IGLON5: variants seen among roughly 807,000 people sequenced by gnomAD.
IGLON5 encodes the protein Ig-like domain-containing protein ENSP00000270642.
IGLON5 carries 16 observed loss-of-function variants against 38.2 expected under a neutral mutation model. The ratio of observed to expected loss-of-function variants is 0.42; its 90% CI spans 0.28 to 0.64. The LOEUF is 0.64. Among genes scored for constraint, IGLON5 ranks in the 30% least tolerant of loss-of-function variants. The pLI, the probability that IGLON5 is intolerant of heterozygous loss-of-function variation, is 0.23. For synonymous variants in IGLON5, 207 were observed against 216.4 expected (o/e 0.96, Z 0.38); for missense variants, 366 against 483.4 (o/e 0.76, Z 2.28).
rs1278906668 is a variant in IGLON5 at position 51,326,815 on chromosome 19, G to T, written c.563G>T (p.Gly188Val). ...EILEISDIQR[G>V]QAGEYECVTH... The stretch of plus-strand genomic sequence containing the variant: ...CTGGAGATCTCTGACATCCAGCGGG[G>T]CCAGGCCGGGGAGTATGAGTGCGTG... Residue 188 changes from glycine to valine, a missense_variant, in exon 5 of 8, where the codon GGC becomes GTC. Transcript: ENST00000270642. 1.9e-6 allele frequency: 3 copies of T among 1,551,434 alleles called. No individual in the cohort carries two copies. Among genetic ancestry groups the T allele is most frequent in the Non-Finnish European group, 2.6e-6 (3 of 1,147,416 alleles).
intron 1 of IGLON5, among the ~76,000 whole-genome samples, chr19:51,316,361 A>AG (rs1451264245): frequency 4.7e-5 from 7 of 148,072 alleles, no homozygotes; most frequent in African/African-American, 1.5e-4. Context: ...AAAAAAAAAG[A>AG]AAAGAAACAA....
chr19:51,316,380 A>G (rs1057390936), intron 1 of IGLON5, among the ~76,000 whole-genome samples: 2 of 151,246 alleles, frequency 1.3e-5, no homozygotes, highest in Admixed American at 1.3e-4. Flanking sequence ...AAAGGGAAAG[A>G]AAAGGTGTGT....
In IGLON5 at chr19:51,327,033, C is replaced by G. The variant is rs770614790; in HGVS notation, c.647-47C>G. 1.9e-6 allele frequency: 3 copies of G among 1,598,472 alleles called. No homozygotes were observed. In the African/African-American group the frequency reaches 4.0e-5, roughly 21 times the overall value. On this transcript the variant is annotated intron_variant, in intron 5 of 7. Transcript: ENST00000270642. The surrounding 1 kb of genome is among the most constrained non-coding windows in gnomAD (Gnocchi z 7.1). ...GCGGGGGCTGGGGGCGGGACCCCTT[C>G]GTCCCCACGCGGCTAGGAGAATTCG... is the stretch of plus-strand genomic sequence containing the variant.
intron 4 of IGLON5, among the ~76,000 whole-genome samples, chr19:51,326,460 C>G (rs1985217066): frequency 6.6e-6 from 1 of 152,192 alleles, no homozygotes; most frequent in Admixed American, 6.5e-5. Flanking sequence ...CATTGGGGTC[C>G]TCCCCACGGA....
intron 2 of IGLON5, 144 bp from the exon 3 acceptor site, chr19:51,323,518 A>G: frequency 1.5e-6 from 1 of 662,734 alleles, no homozygotes; most frequent in Non-Finnish European, 2.6e-6. Context: ...CCCCAGCTGT[A>G]TGGTGGGCAC....
In IGLON5 at chr19:51,327,825, C is replaced by CA; in HGVS notation, c.863dup (p.Asn288LysfsTer113). The stretch of plus-strand genomic sequence containing the variant: ...CCAACGTGAGCGCCCGGCATTACGG[C>CA]AACTATACGTGTCGCGCCGCCAACC... On this transcript the variant is annotated frameshift_variant, in exon 7 of 8. Transcript: ENST00000270642. LOFTEE classifies it high-confidence loss of function. The surrounding 1 kb of genome is among the most constrained non-coding windows in gnomAD (Gnocchi z 7.1). 1 of 1,548,860 alleles carries CA rather than the reference C, an allele frequency of 6.5e-7. No individual in the cohort carries two copies. Among genetic ancestry groups the CA allele is most frequent in the South Asian group, 1.2e-5 (1 of 84,080 alleles).
rs1465607222 is a variant in IGLON5 at position 51,324,327 on chromosome 19, T to C, written c.391+433T>C. On this transcript the variant is annotated intron_variant, in intron 3 of 7. Coordinates refer to ENST00000270642, the MANE Select transcript of IGLON5 (RefSeq NM_001101372.3). This position sits in a 1 kb window ranked among gnomAD's most constrained non-coding sequence, Gnocchi z 4.2. ...AGGGCTAAGACCGGAAAAGAAACAG[T>C]GTGTGCAGGGCCAGGCAAGAAGATG... is the stretch of plus-strand genomic sequence containing the variant. 1.3e-5 allele frequency among the ~76,000 whole-genome samples: 2 copies of C among 151,730 alleles called. No individual in the cohort carries two copies. Among genetic ancestry groups the C allele is most frequent in the Admixed American group, 6.5e-5 (1 of 15,268 alleles).
At chr19:51,317,613 C>G (rs148591663) in intron 1 of IGLON5, among the ~76,000 whole-genome samples, 1 of 152,150 alleles carries the variant, frequency 6.6e-6, no homozygotes, top group Non-Finnish European at 1.5e-5. Flanking sequence ...AACTGACAGC[C>G]CAGATACAGC....
At position 51,311,859 on chromosome 19, in the gene IGLON5, T is replaced by G. The variant is rs769520002; in HGVS notation, c.12T>G (p.Pro4=). The G allele has an allele frequency of 4.8e-6, 6 of 1,249,630 alleles. No homozygotes were observed. Among genetic ancestry groups the G allele is most frequent in the Non-Finnish European group, 6.1e-6 (6 of 986,948 alleles). The allele number at this position is 1,249,630 out of a possible 1,614,324, so 77.4% of individuals were successfully genotyped here. Residue 4 remains proline (P), a synonymous_variant, in exon 1 of 8, where the codon CCT becomes CCG. Transcript: ENST00000270642. The stretch of plus-strand genomic sequence containing the variant: ...CCGCCTCTGCCGCGATGCCCCCCCC[T>G]GCGCCCGGGGCCCGGCTCCGGCTTC... The part of the protein sequence containing the change: MPP[P]APGARLRLLA...
Position 51,325,456 on chromosome 19 carries a change from C to T in IGLON5, c.502C>T (p.Gln168Ter), listed in dbSNP as rs376863358. 8 of 1,612,588 alleles carry T rather than the reference C, an allele frequency of 5.0e-6. No individual in the cohort carries two copies. The highest frequency in any genetic ancestry group is 1.3e-5 in the African/African-American group (1 of 75,006). ...GCCAGAGCCCACGGTCACCTGGAGA[C>T]AGCTCCGAGGTGAGGACCCCATCCC... ...GRPEPTVTWR[Q>*]LRDGFTSEGE... The change falls in exon 4 of 8, where the codon CAG becomes TAG. Residue 168 changes from glutamine (Q) to a stop codon, truncating the protein, a stop_gained. Transcript: ENST00000270642. LOFTEE classifies it high-confidence loss of function. The surrounding 1 kb of genome is among the most constrained non-coding windows in gnomAD (Gnocchi z 5.5).
rs1984787648 is a variant in IGLON5, at chr19:51,312,327, T to A, written c.79+401T>A. 2.0e-5 allele frequency among the ~76,000 whole-genome samples: 3 copies of A among 151,482 alleles called. No individual in the cohort carries two copies. In the South Asian group the frequency reaches 6.3e-4, roughly 32 times the overall value. ...AGTTGGGGTGGGGGGCAGGGGATAATGCCCTGTTAGGGGTCTTCATCTGTA... is the reference window on the plus strand; with the variant it reads ...AGTTGGGGTGGGGGGCAGGGGATAAAGCCCTGTTAGGGGTCTTCATCTGTA... On this transcript the variant is annotated intron_variant, in intron 1 of 7. Coordinates refer to ENST00000270642, the MANE Select transcript of IGLON5 (RefSeq NM_001101372.3).
intron 7 of IGLON5, among the ~76,000 whole-genome samples, chr19:51,328,353 A>AAAAAAAAAAAAAAAAAAAC: frequency 6.6e-6 from 1 of 151,674 alleles, no homozygotes; most frequent in African/African-American, 2.4e-5. Context: ...AAAAAAAAAA[A>AAAAAAAAAAAAAAAAAAAC]ATACAAAAAT....
chr19:51,317,114 CTCTT>C (rs1174191567), intron 1 of IGLON5, among the ~76,000 whole-genome samples: 1 of 152,148 alleles, frequency 6.6e-6, no homozygotes, highest in Non-Finnish European at 1.5e-5. Flanking sequence ...TGTTAGGGAT[CTCTT>C]TCTGTCTTAA....
intron 1 of IGLON5, among the ~76,000 whole-genome samples, chr19:51,319,220 G>T (rs1296347659): frequency 6.6e-6 from 1 of 152,130 alleles, no homozygotes; most frequent in East Asian, 1.9e-4. Context: ...GCGTACATGT[G>T]ACTCTTTGGC....
chr19:51,320,060 C>T (rs559591659), intron 1 of IGLON5, among the ~76,000 whole-genome samples: 71 of 152,160 alleles, frequency 4.7e-4, no homozygotes, highest in African/African-American at 1.5e-3. Context: ...CGCGCGTGCA[C>T]GCGTGCATCC....
chr19:51,328,660 T>G lies in IGLON5; in HGVS notation c.923-11T>G. 6.4e-7 allele frequency: 1 copy of G among 1,551,336 alleles called. No homozygotes were observed. Among genetic ancestry groups the G allele is most frequent in the East Asian group, 2.4e-5 (1 of 42,218 alleles). On this transcript the variant is annotated splice_polypyrimidine_tract_variant and intron_variant, in intron 7 of 7. Coordinates refer to ENST00000270642, the MANE Select transcript of IGLON5 (RefSeq NM_001101372.3). ...TCAGGCCTCCCTCCATGACCCCTTC[T>G]CTTCCCCCAGGCCCAGGATCCCTGG...
At position 51,311,938 on chromosome 19, in the gene IGLON5, C is replaced by T. The variant is rs1452338261; in HGVS notation, c.79+12C>T. The T allele has an allele frequency of 4.4e-5, 58 of 1,314,448 alleles. No individual in the cohort carries two copies. Among genetic ancestry groups the T allele is most frequent in the Non-Finnish European group, 5.5e-5 (57 of 1,031,008 alleles). The allele number at this position is 1,314,448 out of a possible 1,614,324, so 81.4% of individuals were successfully genotyped here. A position where few individuals can be genotyped will look rare whatever the true frequency, so the allele number is the denominator to read the frequency against. Reference sequence around the variant, plus strand: ...CGTCATCAGCCGAGGTACCGCAGCGCCGGGGGCGGGGGGCTCGGCCGGGAC... The same window carrying T: ...CGTCATCAGCCGAGGTACCGCAGCGTCGGGGGCGGGGGGCTCGGCCGGGAC... On this transcript the variant is annotated intron_variant, in intron 1 of 7. Coordinates refer to ENST00000270642, the MANE Select transcript of IGLON5 (RefSeq NM_001101372.3).
At chr19:51,320,826 G>A (rs1311000488) in intron 1 of IGLON5, among the ~76,000 whole-genome samples, 1 of 152,192 alleles carries the variant, frequency 6.6e-6, no homozygotes. Context: ...TTATGTGTAT[G>A]CCTTCGGTAC....
intron 7 of IGLON5, 55 bp from the exon 8 acceptor site, chr19:51,328,616 C>A: frequency 8.3e-7 from 1 of 1,207,664 alleles, no homozygotes. Context: ...TGGAGAGACA[C>A]ACATGGGGTT....
Sources: gnomAD v4.1 joint callset for allele counts (sites outside exome capture counted in the v4.1 genomes callset) on GRCh38, gnomAD v4.1.1 for gene constraint, Gnocchi (gnomAD v3.1) non-coding constraint, MANE v1.5 for transcripts, NCBI Gene and HGNC (gene_info 2026-07-23, HGNC 2026-07-21) for gene names.